FANCL: variants seen among roughly 807,000 people sequenced by gnomAD.
FANCL encodes the protein FA complementation group L.
Under a neutral mutation model 59.4 loss-of-function variants are expected in FANCL, and 69 were observed. The observed-to-expected ratio is 1.16, with a 90% confidence interval of 0.96 to 1.42. The LOEUF (loss-of-function observed/expected upper bound fraction) is 1.42, where lower values mean the gene tolerates loss of function less well. Ranked by LOEUF, FANCL falls within the 40% of genes most tolerant of loss-of-function variation. The pLI is 0.00. For synonymous variants in FANCL, 180 were observed against 147.1 expected, an observed-to-expected ratio of 1.22 and a Z score of -1.62; for missense variants, 519 against 447.2, an observed-to-expected ratio of 1.16 and a Z score of -1.45.
At chr2:58,193,896 C>G (rs1191207710) in intron 7 of FANCL, among the ~76,000 whole-genome samples, 2 of 152,132 alleles carry the variant, frequency 1.3e-5, no homozygotes, top group Non-Finnish European at 2.9e-5. Flanking sequence ...TGTGACTTGT[C>G]TGAATAATAC....
chr2:58,180,795 T>C (rs1687862680), intron 7 of FANCL, among the ~76,000 whole-genome samples: 2 of 152,028 alleles, frequency 1.3e-5, no homozygotes, highest in East Asian at 1.9e-4. Context: ...TACTGTGCCA[T>C]TGTTTAAAGG....
chr2:58,207,874 C>G (rs546816794), intron 5 of FANCL, among the ~76,000 whole-genome samples: 1 of 152,224 alleles, frequency 6.6e-6, no homozygotes, highest in East Asian at 1.9e-4. Context: ...CTGGGCGACA[C>G]AGTGAGACCT....
intron 13 of FANCL, 80 bp from the exon 14 acceptor site, chr2:58,159,880 T>C (rs1168633995): frequency 2.1e-5 from 34 of 1,590,110 alleles, no homozygotes; most frequent in Non-Finnish European, 2.7e-5. Context: ...AATAGTGTCA[T>C]AGAATAGTGT....
intron 9 of FANCL, 86 bp from the exon 10 acceptor site, chr2:58,163,160 T>C (rs1274421241): frequency 2.6e-5 from 31 of 1,181,696 alleles, no homozygotes; most frequent in Non-Finnish European, 3.8e-5. Context: ...GTTTCTTAAC[T>C]ACTTGATTAG....
At chr2:58,198,054 T>TGTGTGTATTTATGCATGGGTGTGG (rs1291868471) in intron 7 of FANCL, among the ~76,000 whole-genome samples, 7 of 151,946 alleles carry the variant, frequency 4.6e-5, no homozygotes, top group African/African-American at 1.7e-4. Flanking sequence ...TGCGTGTGTG[T>TGTGTGTATTTATGCATGGGTGTGG]GTGTGTATTT....
At chr2:58,232,192 A>G (rs1034617468) in intron 1 of FANCL, 80 bp from the exon 2 acceptor site, 2 of 1,163,258 alleles carry the variant, frequency 1.7e-6, no homozygotes, top group African/African-American at 3.0e-5. Context: ...TCACAAAGAA[A>G]AGACAATGTT....
chr2:58,215,963 G>A (rs755624278), intron 5 of FANCL, among the ~76,000 whole-genome samples: 9 of 152,194 alleles, frequency 5.9e-5, no homozygotes, highest in Middle Eastern at 6.8e-3. Context: ...GGGCCTACCA[G>A]TGAGACAAAG....
chr2:58,192,897 T>C (rs1015300819), intron 7 of FANCL, among the ~76,000 whole-genome samples: 1 of 151,860 alleles, frequency 6.6e-6, no homozygotes, highest in Non-Finnish European at 1.5e-5. Context: ...AAACTTAACT[T>C]CTGAAGCTAT....
At chr2:58,165,909 G>T (rs1324856105) in intron 7 of FANCL, 35 bp from the exon 8 acceptor site, 2 of 1,595,592 alleles carry the variant, frequency 1.3e-6, no homozygotes, top group East Asian at 2.2e-5. Context: ...AAGTTATATG[G>T]TACTCTACCA....
intron 7 of FANCL, among the ~76,000 whole-genome samples, chr2:58,173,575 C>T (rs1296569449): frequency 6.6e-6 from 1 of 152,108 alleles, no homozygotes; most frequent in Non-Finnish European, 1.5e-5. Flanking sequence ...CCTTTACAGA[C>T]AAGCAAACGC....
intron 7 of FANCL, among the ~76,000 whole-genome samples, chr2:58,173,735 G>A (rs1686943355): frequency 1.3e-5 from 2 of 152,072 alleles, no homozygotes; most frequent in South Asian, 4.1e-4. Flanking sequence ...CAACTAACAA[G>A]CAAAATAACC....
chr2:58,207,796 T>C (rs1046075034), intron 5 of FANCL, among the ~76,000 whole-genome samples: 2 of 152,190 alleles, frequency 1.3e-5, no homozygotes, highest in African/African-American at 2.4e-5. Context: ...TAATGACTCA[T>C]GCCTATAATC....
At chr2:58,238,444 A>C (rs1694222276) in intron 1 of FANCL, among the ~76,000 whole-genome samples, 1 of 152,252 alleles carries the variant, frequency 6.6e-6, no homozygotes, top group South Asian at 2.1e-4. Context: ...AAAGATAACC[A>C]ACATAGAGAG....
chr2:58,185,049 C>G (rs564999425), intron 7 of FANCL, among the ~76,000 whole-genome samples: 1 of 152,026 alleles, frequency 6.6e-6, no homozygotes, highest in Non-Finnish European at 1.5e-5. Flanking sequence ...ACAAGAGAAA[C>G]TAGAAAACTA....
chr2:58,214,687 T>C (rs940003455), intron 5 of FANCL, among the ~76,000 whole-genome samples: 1 of 152,022 alleles, frequency 6.6e-6, no homozygotes, highest in African/African-American at 2.4e-5. Context: ...TTTATTTTTG[T>C]ATTTTGTAGA....
intron 7 of FANCL, among the ~76,000 whole-genome samples, chr2:58,196,078 G>C (rs1320560096): frequency 5.3e-5 from 8 of 152,116 alleles, no homozygotes; most frequent in African/African-American, 1.9e-4. Flanking sequence ...AATAAATATA[G>C]TAGACAAACA....
At chr2:58,206,677 G>C (rs1420561041) in intron 5 of FANCL, among the ~76,000 whole-genome samples, 4 of 152,148 alleles carry the variant, frequency 2.6e-5, no homozygotes, top group African/African-American at 7.2e-5. Flanking sequence ...GTAAGTCAGA[G>C]AGGTAATACA....
chr2:58,213,979 T>C (rs115003856), intron 5 of FANCL, among the ~76,000 whole-genome samples: 68 of 152,312 alleles, frequency 4.5e-4, no homozygotes, highest in Non-Finnish European at 9.0e-4. Context: ...GGGAGCATCA[T>C]TCACACAGAA....
At chr2:58,201,604 GATTGACC>G (rs1443814008) in intron 6 of FANCL, among the ~76,000 whole-genome samples, 1 of 151,962 alleles carries the variant, frequency 6.6e-6, no homozygotes, top group African/African-American at 2.4e-5. Flanking sequence ...TACTGATCTT[GATTGACC>G]AAAGCTGAGG....
Sources: allele counts gnomAD v4.1 joint callset (sites outside exome capture counted in the v4.1 genomes callset), GRCh38; gene constraint gnomAD v4.1.1; transcripts MANE v1.5; gene names NCBI Gene and HGNC (gene_info 2026-07-23, HGNC 2026-07-21).